Variants in DOCK8 observed in about 807,000 individuals in gnomAD.
DOCK8 encodes dedicator of cytokinesis 8.
DOCK8 carries 141 observed loss-of-function variants against 245.6 expected under a neutral mutation model. The observed-to-expected ratio is 0.57, with a 90% CI of 0.50 to 0.66. The LOEUF (loss-of-function observed/expected upper bound fraction) is 0.66. Among genes scored for constraint, DOCK8 ranks in the 30% least tolerant of loss-of-function variants. DOCK8 has a pLI of 0.00. For synonymous variants in DOCK8, 1,168 were observed against 970.2 expected, an observed-to-expected ratio of 1.20 and a Z score of -3.79; for missense variants, 2,965 against 2,603.4, an observed-to-expected ratio of 1.14 and a Z score of -3.02.
In DOCK8 at chr9:448,046, T is replaced by C. The variant is rs139864389; in HGVS notation, c.5817+1440T>C. Among the ~76,000 whole-genome samples the C allele has an allele frequency of 2.5e-3, 378 of 152,292 alleles. 2 individuals carry two copies. The highest frequency in any genetic ancestry group is 8.7e-3 in the African/African-American group (361 of 41,570). On this transcript the variant is annotated intron_variant, in intron 44 of 47. Transcript: ENST00000432829. Reference sequence around the variant, plus strand: ...TTCTTCATTCCTGCCTTCCTTTCCTTTCCTTCCTTTCCTTTCGTTCTTCCT... The same window carrying C: ...TTCTTCATTCCTGCCTTCCTTTCCTCTCCTTCCTTTCCTTTCGTTCTTCCT...
chr9:431,097 C>A (rs893338664), intron 36 of DOCK8, among the ~76,000 whole-genome samples: 1 of 152,006 alleles, frequency 6.6e-6, no homozygotes, highest in South Asian at 2.1e-4. Context: ...TGGTCTAGAA[C>A]ACCTGAGCTC....
chr9:407,311 T>C (rs2055480226), intron 28 of DOCK8, among the ~76,000 whole-genome samples: 1 of 152,308 alleles, frequency 6.6e-6, no homozygotes, highest in South Asian at 2.1e-4. Context: ...CTTGGTCAAC[T>C]ATTTCAGTGG....
intron 1 of DOCK8, among the ~76,000 whole-genome samples, chr9:271,228 A>G (rs16926375): frequency 0.032 from 4,876 of 152,310 alleles, 237 homozygotes; most frequent in African/African-American, 0.11. Flanking sequence ...GCTTGAAATG[A>G]GAATGGCTGG....
At chr9:245,742 A>G (rs150155863) in intron 1 of DOCK8, among the ~76,000 whole-genome samples, 6 of 152,320 alleles carry the variant, frequency 3.9e-5, no homozygotes, top group Non-Finnish European at 5.9e-5. Flanking sequence ...GGAGGCAGGT[A>G]CTTTCTCAGA....
Position 272,239 on chromosome 9 carries a change from C to T in DOCK8, c.156+510C>T, listed in dbSNP as rs780160456. On this transcript the variant is annotated intron_variant, in intron 2 of 47. Transcript: ENST00000432829. ...ACCTTTCCTCAGTCAAGATATAGAA[C>T]ACTTCTTTTATCCTAAAGCGTTCCC... is the stretch of plus-strand genomic sequence containing the variant. Among the ~76,000 whole-genome samples, 5 of 152,212 alleles carry T rather than the reference C, an allele frequency of 3.3e-5. 1 individual carries two copies. Among genetic ancestry groups the T allele is most frequent in the Non-Finnish European group, 7.4e-5 (5 of 68,012 alleles).
At chr9:239,076 G>T (rs2047325619) in intron 1 of DOCK8, among the ~76,000 whole-genome samples, 1 of 152,204 alleles carries the variant, frequency 6.6e-6, no homozygotes, top group Non-Finnish European at 1.5e-5. Flanking sequence ...ACAGACGGTG[G>T]CTCCAGCCAG....
chr9:400,048 A>ACCG, intron 26 of DOCK8, among the ~76,000 whole-genome samples: 1 of 106,240 alleles, frequency 9.4e-6, no homozygotes, highest in African/African-American at 4.2e-5. Flanking sequence ...CACCACCTCC[A>ACCG]CCATCACCAC....
chr9:462,117 G>A (rs1407784938), intron 46 of DOCK8, among the ~76,000 whole-genome samples: 3 of 151,850 alleles, frequency 2.0e-5, no homozygotes, highest in Non-Finnish European at 4.4e-5. Flanking sequence ...TTTCCCTCGT[G>A]GTGGTTGGTT....
chr9:418,549 T>G (rs1586974443), intron 30 of DOCK8, among the ~76,000 whole-genome samples: 1 of 152,242 alleles, frequency 6.6e-6, no homozygotes, highest in Non-Finnish European at 1.5e-5. Flanking sequence ...ATTACAGGCG[T>G]GAGCCACTGT....
At chr9:236,475 C>T (rs1037664943) in intron 1 of DOCK8, among the ~76,000 whole-genome samples, 3 of 152,074 alleles carry the variant, frequency 2.0e-5, no homozygotes, top group African/African-American at 7.2e-5. Flanking sequence ...ATTGATAGGC[C>T]ACTAGTAGTT....
intron 4 of DOCK8, among the ~76,000 whole-genome samples, chr9:296,739 A>G (rs1273488116): frequency 6.6e-6 from 1 of 152,196 alleles, no homozygotes; most frequent in Non-Finnish European, 1.5e-5. Context: ...TTTGCTTTCT[A>G]AAAGTATGAA....
intron 1 of DOCK8, among the ~76,000 whole-genome samples, chr9:245,403 T>G (rs541687563): frequency 6.6e-6 from 1 of 152,182 alleles, no homozygotes; most frequent in Non-Finnish European, 1.5e-5. Flanking sequence ...AGATGGTGTT[T>G]CACCATGTTG....
chr9:459,883 A>G (rs2057750801), intron 46 of DOCK8: 1 of 152,252 alleles, frequency 6.6e-6, no homozygotes, highest in African/African-American at 2.4e-5. Context: ...GTACAGAACG[A>G]GAGAGAGACA....
chr9:451,481 G>C (rs1239367980), intron 45 of DOCK8, among the ~76,000 whole-genome samples: 1 of 151,924 alleles, frequency 6.6e-6, no homozygotes, highest in East Asian at 1.9e-4. Context: ...AAAATAGCCA[G>C]GTATAGTGGC....
At chr9:373,583 C>A (rs988912386) in intron 18 of DOCK8, among the ~76,000 whole-genome samples, 1 of 152,206 alleles carries the variant, frequency 6.6e-6, no homozygotes, top group African/African-American at 2.4e-5. Context: ...GCTTTCCTTG[C>A]AATTTTAAGT....
At chr9:314,103 T>C (rs772975433) in intron 6 of DOCK8, among the ~76,000 whole-genome samples, 30 of 152,258 alleles carry the variant, frequency 2.0e-4, no homozygotes, top group Non-Finnish European at 3.7e-4. Flanking sequence ...CGTGTTCCCT[T>C]GTTTATGTAT....
intron 5 of DOCK8, among the ~76,000 whole-genome samples, chr9:308,324 T>TAG (rs2049939658): frequency 6.6e-6 from 1 of 152,220 alleles, no homozygotes; most frequent in African/African-American, 2.4e-5. Context: ...CATAAATAGG[T>TAG]ACAACTATTA....
At chr9:335,220 T>C (rs1262383028) in intron 11 of DOCK8, among the ~76,000 whole-genome samples, 1 of 152,192 alleles carries the variant, frequency 6.6e-6, no homozygotes, top group African/African-American at 2.4e-5. Context: ...TATTTCTTTT[T>C]CGTCATCTCA....
intron 4 of DOCK8, among the ~76,000 whole-genome samples, chr9:298,694 T>C (rs2049385202): frequency 6.6e-6 from 1 of 151,638 alleles, no homozygotes; most frequent in Admixed American, 6.6e-5. Flanking sequence ...AAGTAAACAC[T>C]CTTGGAAATA....
Sources: gnomAD v4.1 joint callset for allele counts (sites outside exome capture counted in the v4.1 genomes callset) on GRCh38, gnomAD v4.1.1 for gene constraint, MANE v1.5 for transcripts, NCBI Gene and HGNC (gene_info 2026-07-23, HGNC 2026-07-21) for gene names.